Variants in ANTXR1 observed in about 807,000 individuals in gnomAD.
ANTXR1 encodes anthrax toxin receptor 1.
In ANTXR1, 19 loss-of-function variants were observed where a neutral mutation model predicts 78.1. That is an observed-to-expected ratio of 0.24 (90% CI 0.17 to 0.36). The LOEUF is 0.36. Ranked by LOEUF, ANTXR1 falls within the 10% of genes least tolerant of loss-of-function variation. The pLI is 1.00. For missense variants in ANTXR1, 518 were observed against 718.6 expected (o/e 0.72, Z 3.19); for synonymous variants, 273 against 260.5 (o/e 1.05, Z -0.46).
At chr2:69,133,944 A>C (rs1672833272) in intron 12 of ANTXR1, among the ~76,000 whole-genome samples, 1 of 152,152 alleles carries the variant, frequency 6.6e-6, no homozygotes, top group Non-Finnish European at 1.5e-5. Context: ...TTTAGACTGA[A>C]ATAATGTACT....
At chr2:69,023,893 G>T (rs1264415506) in intron 1 of ANTXR1, among the ~76,000 whole-genome samples, 1 of 152,194 alleles carries the variant, frequency 6.6e-6, no homozygotes, top group African/African-American at 2.4e-5. Flanking sequence ...CAACATTTAG[G>T]AAAGCAAACT....
At chr2:69,074,092 C>T (rs780251103) in intron 6 of ANTXR1, among the ~76,000 whole-genome samples, 7 of 152,218 alleles carry the variant, frequency 4.6e-5, no homozygotes, top group African/African-American at 1.4e-4. Context: ...GAGTGAGATA[C>T]AGCTGCTGCC....
At chr2:69,181,659 A>C in intron 14 of ANTXR1, 127 bp from the exon 15 acceptor site, 1 of 897,834 alleles carries the variant, frequency 1.1e-6, no homozygotes, top group East Asian at 2.4e-5. Flanking sequence ...TCTAGGAAAC[A>C]GTAGCACTGG....
At chr2:69,081,538 A>T (rs1361344080) in intron 8 of ANTXR1, among the ~76,000 whole-genome samples, 1 of 152,266 alleles carries the variant, frequency 6.6e-6, no homozygotes, top group Non-Finnish European at 1.5e-5. Flanking sequence ...GGAAATTAAC[A>T]GCTGTAGAGA....
chr2:69,193,875 A>G (rs973835820), intron 17 of ANTXR1, among the ~76,000 whole-genome samples: 1 of 152,180 alleles, frequency 6.6e-6, no homozygotes, highest in Non-Finnish European at 1.5e-5. Context: ...GGGGCCACAG[A>G]AAACACCTAC....
chr2:69,239,625 C>G (rs374326749), intron 17 of ANTXR1, among the ~76,000 whole-genome samples: 1 of 152,184 alleles, frequency 6.6e-6, no homozygotes, highest in Non-Finnish European at 1.5e-5. Flanking sequence ...GCCGGTACAA[C>G]TTAATTGGAC....
intron 1 of ANTXR1, among the ~76,000 whole-genome samples, chr2:69,026,597 A>G (rs1002737613): frequency 2.6e-5 from 4 of 152,250 alleles, no homozygotes; most frequent in South Asian, 4.1e-4. Flanking sequence ...TGTGCATACT[A>G]TAAGTAGGTC....
intron 17 of ANTXR1, among the ~76,000 whole-genome samples, chr2:69,211,960 C>T (rs777658191): frequency 1.3e-5 from 2 of 152,226 alleles, no homozygotes; most frequent in Non-Finnish European, 2.9e-5. Context: ...AGTCAACCCA[C>T]TCCTCTCGTT....
chr2:69,178,447 T>A (rs1399630943), intron 14 of ANTXR1, among the ~76,000 whole-genome samples: 1 of 152,156 alleles, frequency 6.6e-6, no homozygotes, highest in Non-Finnish European at 1.5e-5. Context: ...CCTAGGCATT[T>A]CCTGTTGCGA....
intron 3 of ANTXR1, among the ~76,000 whole-genome samples, chr2:69,056,557 A>G (rs1670072654): frequency 6.6e-6 from 1 of 152,154 alleles, no homozygotes; most frequent in Non-Finnish European, 1.5e-5. Context: ...TAGACCTACC[A>G]TTTCTCTTTC....
chr2:69,086,071 A>G (rs1222774870), intron 8 of ANTXR1, among the ~76,000 whole-genome samples: 1 of 152,240 alleles, frequency 6.6e-6, no homozygotes, highest in African/African-American at 2.4e-5. Flanking sequence ...CACCTATACC[A>G]TCAAGGGATA....
chr2:69,178,771 C>T (rs935730506), intron 14 of ANTXR1, among the ~76,000 whole-genome samples: 6 of 152,218 alleles, frequency 3.9e-5, no homozygotes, highest in Non-Finnish European at 8.8e-5. Flanking sequence ...CTGGACAAGG[C>T]ATCAGAAAAC....
chr2:69,096,310 AAGGGAGGAAGGGAGGAAGGGAGGAAGGG>A (rs2104299135), intron 9 of ANTXR1, among the ~76,000 whole-genome samples: 1 of 4,944 alleles, frequency 2.0e-4, no homozygotes, highest in East Asian at 0.011. Flanking sequence ...GGAAGGGAGG[AAGGGAGGAAGGGAGGAAGGGAGGAAGGG>A]AGGAAGGGAG....
At position 69,097,574 on chromosome 2, in the gene ANTXR1, T is replaced by A. The variant is rs182691875; in HGVS notation, c.704-5268T>A. On this transcript the variant is annotated intron_variant, in intron 9 of 17. Transcript: ENST00000303714. ...ACCTCTTCTAAATGGATTGCTTCAT[T>A]CTCTGCTCAATCTTTCCTTTCATTT... is the stretch of plus-strand genomic sequence containing the variant. 1.2e-3 allele frequency among the ~76,000 whole-genome samples: 186 copies of A among 152,374 alleles called. 1 individual carries two copies. The highest frequency in any genetic ancestry group is 6.6e-4 in the Non-Finnish European group (45 of 68,038).
At chr2:69,151,007 G>A (rs1301831848) in intron 12 of ANTXR1, among the ~76,000 whole-genome samples, 2 of 152,138 alleles carry the variant, frequency 1.3e-5, no homozygotes, top group Non-Finnish European at 2.9e-5. Flanking sequence ...CCAAGTGACA[G>A]AGTGAGACCC....
At chr2:69,172,421 T>G (rs1674014399) in intron 14 of ANTXR1, 1 of 1,606,516 alleles carries the variant, frequency 6.2e-7, no homozygotes, top group Admixed American at 1.7e-5. Flanking sequence ...CAGAAACAGA[T>G]AACCTAACAC....
chr2:69,124,032 GA>G (rs1405768584), intron 11 of ANTXR1, among the ~76,000 whole-genome samples: 2 of 152,158 alleles, frequency 1.3e-5, no homozygotes, highest in African/African-American at 4.8e-5. Context: ...AACAAAACAA[GA>G]GGTCAGTTTC....
At chr2:69,127,410 G>T (rs929256281) in intron 12 of ANTXR1, among the ~76,000 whole-genome samples, 1 of 151,994 alleles carries the variant, frequency 6.6e-6, no homozygotes, top group Non-Finnish European at 1.5e-5. Flanking sequence ...GCAGGGAGGT[G>T]CCATCCCCAG....
chr2:69,037,887 G>A lies in ANTXR1; in HGVS notation c.153-2157G>A, dbSNP rs1212499720. Among the ~76,000 whole-genome samples the A allele has an allele frequency of 3.3e-5, 5 of 152,050 alleles. No homozygotes were observed. The East Asian group carries it at 5.8e-4, about 18-fold the overall frequency. On this transcript the variant is annotated intron_variant, in intron 1 of 17. Coordinates refer to ENST00000303714, the MANE Select transcript of ANTXR1 (RefSeq NM_032208.3). ...ACAAAGGGGTGCTTTTGACAGGAGG[G>A]GACCCTGGCACGCTCCTTCCAGATC...
Sources: gnomAD v4.1 joint callset for allele counts (sites outside exome capture counted in the v4.1 genomes callset) on GRCh38, gnomAD v4.1.1 for gene constraint, MANE v1.5 for transcripts, NCBI Gene and HGNC (gene_info 2026-07-23, HGNC 2026-07-21) for gene names.